Variants in ANAPC2 observed in about 807,000 individuals in gnomAD.
ANAPC2 encodes the protein anaphase-promoting complex subunit 2.
Under a neutral mutation model 84.3 loss-of-function variants are expected in ANAPC2, and 29 were observed. The ratio of observed to expected loss-of-function variants is 0.34; its 90% confidence interval spans 0.26 to 0.47. The LOEUF is 0.47. Ranked by LOEUF, ANAPC2 falls within the 20% of genes least tolerant of loss-of-function variation. ANAPC2 has a pLI of 1.00. For synonymous variants in ANAPC2, 571 were observed against 479.4 expected (o/e 1.19, Z -2.50); for missense variants, 857 against 1,131.7 (o/e 0.76, Z 3.48).
intron 2 of ANAPC2, chr9:137,187,010 G>T (rs989630816): frequency 5.6e-6 from 1 of 177,932 alleles, no homozygotes; most frequent in Non-Finnish European, 1.2e-5. Flanking sequence ...ACTACAACAG[G>T]ACCTGTCTCT....
chr9:137,177,614 T>G (rs1279929052), intron 10 of ANAPC2, among the ~76,000 whole-genome samples: 1 of 152,138 alleles, frequency 6.6e-6, no homozygotes, highest in Non-Finnish European at 1.5e-5. Context: ...GGTGAAGACT[T>G]TTGGGGACAC....
rs759145752 is a variant in ANAPC2, at chr9:137,175,702, G to C, written c.2020+6C>G. The C allele has an allele frequency of 4.4e-6, 7 of 1,608,384 alleles. No homozygotes were observed. Among genetic ancestry groups the C allele is most frequent in the Non-Finnish European group, 5.9e-6 (7 of 1,177,228 alleles). On this transcript the variant is annotated splice_donor_region_variant and intron_variant, in intron 11 of 12. Transcript: ENST00000323927. ...GGGCAGGCCAGCTAGGGGCTGGTGG[G>C]CTCACCTTGGTCCTGAAAATACAGC...
chr9:137,182,851 C>A (rs1482151495), intron 6 of ANAPC2, among the ~76,000 whole-genome samples: 2 of 152,172 alleles, frequency 1.3e-5, no homozygotes, highest in Non-Finnish European at 1.5e-5. Context: ...GAGCTTCTCT[C>A]TGTGCTGGAG....
In ANAPC2 at chr9:137,180,538, G is replaced by T; in HGVS notation, c.1611-11C>A. ...ACGTTGCGGATCTCCCTGGAAAGACGAGTGTCTGGGCAGGGGGTCGTGATG... is the reference window on the plus strand; with the variant it reads ...ACGTTGCGGATCTCCCTGGAAAGACTAGTGTCTGGGCAGGGGGTCGTGATG... On this transcript the variant is annotated splice_polypyrimidine_tract_variant and intron_variant, in intron 8 of 12. Coordinates refer to ENST00000323927, the MANE Select transcript of ANAPC2 (RefSeq NM_013366.4). The T allele has an allele frequency of 6.2e-7, 1 of 1,612,912 alleles. No individual in the cohort carries two copies. Among genetic ancestry groups the T allele is most frequent in the Non-Finnish European group, 8.5e-7 (1 of 1,179,890 alleles).
Position 137,174,982 on chromosome 9 carries a change from T to A in ANAPC2, c.2429A>T (p.Tyr810Phe). The A allele has an allele frequency of 6.3e-7, 1 of 1,598,618 alleles. No individual in the cohort carries two copies. Among genetic ancestry groups the A allele is most frequent in the Non-Finnish European group, 8.5e-7 (1 of 1,173,702 alleles). Residue 810 changes from tyrosine (Y) to phenylalanine (F), a missense_variant, in exon 13 of 13, where the codon TAC becomes TTC. By Grantham distance (22) the Tyr-to-Phe change is conservative (BLOSUM62 3). Transcript: ENST00000323927. This position sits in a 1 kb window ranked among gnomAD's most constrained non-coding sequence, Gnocchi z 6.1. ...GGGCAGGCGGTAGACGCCGGCCGAG[T>A]AGACGAGCTGCTGGTCCCGCACCTT... ...QKKVRDQQLV[Y>F]SAGVYRLPKN...
intron 5 of ANAPC2, 159 bp from the exon 6 acceptor site, chr9:137,183,401 C>T (rs1000352600): frequency 5.1e-6 from 4 of 778,674 alleles, no homozygotes; most frequent in South Asian, 3.2e-5. Flanking sequence ...TACCTGTTCA[C>T]AGGTCCCGCC....
chr9:137,186,380 G>T, intron 2 of ANAPC2, 24 bp from the exon 3 acceptor site: 1 of 1,578,712 alleles, frequency 6.3e-7, no homozygotes, highest in East Asian at 2.3e-5. Flanking sequence ...CTGGCCATGG[G>T]GCACCCAGAG....
intron 6 of ANAPC2, among the ~76,000 whole-genome samples, chr9:137,182,579 T>C (rs573034085): frequency 1.3e-5 from 2 of 151,106 alleles, no homozygotes; most frequent in East Asian, 1.9e-4. Flanking sequence ...ACCAAAGGAG[T>C]CCAGGTAGGG....
At position 137,174,916 on chromosome 9, in the gene ANAPC2, G is replaced by GGGCT; in HGVS notation, c.*25_*26insAGCC. The GGGCT allele has an allele frequency of 7.1e-7, 1 of 1,402,770 alleles. No individual in the cohort carries two copies. Among genetic ancestry groups the GGGCT allele is most frequent in the South Asian group, 1.8e-5 (1 of 54,512 alleles). The allele number at this position is 1,402,770 out of a possible 1,614,324, so 86.9% of individuals were successfully genotyped here. On this transcript the variant is annotated 3_prime_UTR_variant, in exon 13 of 13. Coordinates refer to ENST00000323927, the MANE Select transcript of ANAPC2 (RefSeq NM_013366.4). This position sits in a 1 kb window ranked among gnomAD's most constrained non-coding sequence, Gnocchi z 6.1. Reference sequence around the variant, plus strand: ...GAGCACCTGCAGGGCAGCGCCTGGCGGGCGGGCGGGCGGGCGGGCGATGTG... The same window carrying GGGCT: ...GAGCACCTGCAGGGCAGCGCCTGGCGGGCTGGCGGGCGGGCGGGCGGGCGATGTG...
At chr9:137,183,538 A>G in intron 5 of ANAPC2, 134 bp downstream of exon 5, 1 of 1,358,652 alleles carries the variant, frequency 7.4e-7, no homozygotes. Flanking sequence ...GACCTCACCA[A>G]TTGCTTCTCA....
At chr9:137,181,271 C>A (rs1347506058) in intron 7 of ANAPC2, among the ~76,000 whole-genome samples, 1 of 152,246 alleles carries the variant, frequency 6.6e-6, no homozygotes, top group African/African-American at 2.4e-5. Context: ...GCCCCATAGC[C>A]CTCAGAGCCC....
At chr9:137,184,437 G>A (rs921047520) in intron 4 of ANAPC2, among the ~76,000 whole-genome samples, 4 of 146,686 alleles carry the variant, frequency 2.7e-5, no homozygotes, top group Admixed American at 6.8e-5. Context: ...ACACAGAGCA[G>A]ACACGGTGAA....
At chr9:137,182,288 G>C (rs1357541834) in intron 6 of ANAPC2, among the ~76,000 whole-genome samples, 6 of 152,166 alleles carry the variant, frequency 3.9e-5, no homozygotes, top group Non-Finnish European at 8.8e-5. Context: ...CGAGGCAGGC[G>C]GATCACGAGG....
At chr9:137,186,581 G>A (rs530798916) in intron 2 of ANAPC2, 82 of 582,560 alleles carry the variant, frequency 1.4e-4, no homozygotes, top group African/African-American at 1.2e-3. Context: ...TGCTGTCCCC[G>A]CCCAGCTGGC....
chr9:137,175,609 G>A (rs1834191260), intron 11 of ANAPC2, 99 bp downstream of exon 11: 2 of 1,507,224 alleles, frequency 1.3e-6, no homozygotes, highest in Admixed American at 2.1e-5. Context: ...CCGCCTGCTG[G>A]CGCAGCTGCC....
Position 137,180,799 on chromosome 9 carries a change from G to A in ANAPC2, c.1599C>T (p.Phe533=), listed in dbSNP as rs758445484. 1.2e-6 allele frequency: 2 copies of A among 1,611,736 alleles called. No homozygotes were observed. Among genetic ancestry groups the A allele is most frequent in the East Asian group, 4.5e-5 (2 of 44,872 alleles). ...LADRLLHQFS[F]SPEREIRNVE... ...GTCACAGGCCTCACCGCTCGGGGCT[G>A]AAGCTGAACTGGTGCAGCAGGCGGT... The change falls in exon 8 of 13, where the codon TTC becomes TTT. Residue 533 remains phenylalanine, a synonymous_variant. Coordinates refer to ENST00000323927, the MANE Select transcript of ANAPC2 (RefSeq NM_013366.4).
intron 11 of ANAPC2, 62 bp downstream of exon 11, chr9:137,175,646 G>GC: frequency 1.9e-6 from 3 of 1,563,180 alleles, no homozygotes; most frequent in Non-Finnish European, 2.6e-6. Context: ...CTGGGGAACA[G>GC]CCCCTCACCC....
chr9:137,177,148 G>A (rs1308240547), intron 10 of ANAPC2: 8 of 152,254 alleles, frequency 5.3e-5, no homozygotes, highest in Non-Finnish European at 8.8e-5. Context: ...AAGCCAACAA[G>A]GTGTGAGAAT....
At chr9:137,183,463 C>A in intron 5 of ANAPC2, 2 of 802,952 alleles carry the variant, frequency 2.5e-6, no homozygotes, top group East Asian at 2.7e-5. Flanking sequence ...TCAGACCTAC[C>A]GGTCAGTCCT....
Sources: allele counts gnomAD v4.1 joint callset (sites outside exome capture counted in the v4.1 genomes callset), GRCh38; gene constraint gnomAD v4.1.1; non-coding constraint Gnocchi (gnomAD v3.1); transcripts MANE v1.5; gene names NCBI Gene and HGNC (gene_info 2026-07-23, HGNC 2026-07-21).